Variants in FBXO34 observed in about 807,000 individuals in gnomAD.
FBXO34 encodes the protein F-box only protein 34.
FBXO34 carries 12 observed loss-of-function variants against 24.5 expected under a neutral mutation model. That is an observed-to-expected ratio of 0.49 (90% CI 0.31 to 0.79). FBXO34 has a LOEUF of 0.79. Ranked by LOEUF, FBXO34 falls within the 30% of genes least tolerant of loss-of-function variation. The pLI is 0.04. For synonymous variants in FBXO34, 320 were observed against 311.9 expected (o/e 1.03, Z -0.27); for missense variants, 823 against 857.7 (o/e 0.96, Z 0.51).
intron 1 of FBXO34, among the ~76,000 whole-genome samples, chr14:55,325,611 G>C (rs1013753529): frequency 6.6e-6 from 1 of 152,140 alleles, no homozygotes; most frequent in Non-Finnish European, 1.5e-5. Context: ...GAGTAACTGG[G>C]ATTACAGGCA....
the FBXO34 span, among the ~76,000 whole-genome samples, chr14:55,386,982 C>CTTA: frequency 3.9e-5 from 6 of 152,184 alleles, no homozygotes; most frequent in Non-Finnish European, 8.8e-5. Flanking sequence ...ACTGCCTAAT[C>CTTA]AACCCTTGAT....
the FBXO34 span, chr14:55,395,846 G>A: frequency 3.1e-6 from 3 of 959,974 alleles, no homozygotes; most frequent in African/African-American, 3.5e-5. Context: ...TGCTAAATAC[G>A]ATTTTTAAAA....
rs1418529250 is a variant in FBXO34 at position 55,313,539 on chromosome 14, C to G, written c.-10-36842C>G. ...ACTGTATTAGTCTGTTCTCACATTG[C>G]TGTAAAAAAAACTGCCTGAAACTAG... On this transcript the variant is annotated intron_variant, in intron 1 of 1. Coordinates refer to ENST00000313833, the MANE Select transcript of FBXO34 (RefSeq NM_017943.4). 2.0e-5 allele frequency among the ~76,000 whole-genome samples: 3 copies of G among 152,126 alleles called. No individual in the cohort carries two copies. The East Asian group carries it at 5.8e-4, about 29-fold the overall frequency.
chr14:55,385,761 G>T, the FBXO34 span: 1 of 1,040,994 alleles, frequency 9.6e-7, no homozygotes, highest in South Asian at 1.6e-5. Flanking sequence ...GAAAACCAAT[G>T]ACCCTAGAAT....
intron 1 of FBXO34, among the ~76,000 whole-genome samples, chr14:55,327,817 A>G (rs1170540934): frequency 2.6e-5 from 4 of 151,104 alleles, no homozygotes; most frequent in Non-Finnish European, 5.9e-5. Flanking sequence ...TGTGCACGAA[A>G]TCTTTTTTCA....
chr14:55,323,179 T>A (rs375555327), intron 1 of FBXO34, among the ~76,000 whole-genome samples: 1 of 71,408 alleles, frequency 1.4e-5, no homozygotes, highest in African/African-American at 7.8e-5. Context: ...AGTGAGACTC[T>A]GTCTCAAAAA....
the FBXO34 span, among the ~76,000 whole-genome samples, chr14:55,391,769 C>T: frequency 2.6e-5 from 4 of 152,182 alleles, no homozygotes; most frequent in East Asian, 5.8e-4. Context: ...GTCCTACTGA[C>T]GTGCAGCTCC....
chr14:55,351,623 C>T lies in FBXO34; in HGVS notation c.1233C>T (p.Leu411=), dbSNP rs759560210. The part of the protein sequence containing the change: ...NRYDVEMTDE[L]VGLPFSSHTY... ...ATGATGTGGAAATGACAGATGAACT[C>T]GTTGGGTTACCTTTTTCCTCTCATA... Residue 411 remains leucine (L), a synonymous_variant, in exon 2 of 2, where the codon CTC becomes CTT. Coordinates refer to ENST00000313833, the MANE Select transcript of FBXO34 (RefSeq NM_017943.4). The T allele has an allele frequency of 1.3e-5, 21 of 1,614,064 alleles. No individual in the cohort carries two copies. The highest frequency in any genetic ancestry group is 2.2e-5 in the South Asian group (2 of 91,086).
chr14:55,298,825 AGAGGTAT>A (rs1260208422), intron 1 of FBXO34: 1 of 1,612,242 alleles, frequency 6.2e-7, no homozygotes, highest in East Asian at 2.2e-5. Context: ...AAGCGTAAGA[AGAGGTAT>A]GAGAAGCAGC....
the FBXO34 span, among the ~76,000 whole-genome samples, chr14:55,441,548 A>G: frequency 9.9e-5 from 15 of 152,114 alleles, no homozygotes; most frequent in African/African-American, 3.4e-4. Context: ...ACTTCTCACC[A>G]TCAAATCCCA....
At chr14:55,414,997 A>G in the FBXO34 span, among the ~76,000 whole-genome samples, 1 of 152,254 alleles carries the variant, frequency 6.6e-6, no homozygotes, top group African/African-American at 2.4e-5. Context: ...TCTTGTTTCA[A>G]GAAATTGTAA....
chr14:55,424,156 T>TA, the FBXO34 span: 1 of 1,607,608 alleles, frequency 6.2e-7, no homozygotes, highest in Non-Finnish European at 8.5e-7. Flanking sequence ...TCTTAGCACT[T>TA]ACCTGTCAAC....
intron 1 of FBXO34, among the ~76,000 whole-genome samples, chr14:55,331,626 T>A (rs1331535683): frequency 2.9e-5 from 4 of 136,414 alleles, no homozygotes; most frequent in African/African-American, 2.7e-5. Context: ...TATATAAAAA[T>A]ATATATAAAA....
the FBXO34 span, chr14:55,436,900 GTTTC>G: frequency 1.2e-6 from 2 of 1,614,222 alleles, no homozygotes; most frequent in East Asian, 2.2e-5. Context: ...ATCACCAGAT[GTTTC>G]TTTGACTTCA....
intron 1 of FBXO34, among the ~76,000 whole-genome samples, chr14:55,290,436 G>A (rs1881908943): frequency 6.6e-6 from 1 of 151,872 alleles, no homozygotes; most frequent in Admixed American, 6.6e-5. Flanking sequence ...AATTAATTGA[G>A]GCATAATGGA....
At chr14:55,373,131 T>G (rs73279099), downstream of FBXO34, among the ~76,000 whole-genome samples, 1,423 of 152,280 alleles carry the variant, frequency 9.3e-3, 29 homozygotes, top group African/African-American at 0.033. Context: ...GCAAAATAAT[T>G]CATCCTATTT....
rs57284715 is a variant in FBXO34 at position 55,349,607 on chromosome 14, C to CTTTTTTTTTTTT, written c.-10-767_-10-756dup. On this transcript the variant is annotated intron_variant, in intron 1 of 1. Transcript: ENST00000313833. The stretch of plus-strand genomic sequence containing the variant: ...GAATAGTTTAGGAAGCAATAATTTT[C>CTTTTTTTTTTTT]TTTTTTTTTTTTTTTTTTGAGACAA... Among the ~76,000 whole-genome samples the CTTTTTTTTTTTT allele has an allele frequency of 1.4e-4, 16 of 116,610 alleles. 2 individuals carry two copies. In the East Asian group the frequency reaches 2.5e-3, roughly 18 times the overall value. The allele number at this position is 116,610 out of a possible 152,430, so 76.5% of individuals were successfully genotyped here.
At chr14:55,386,724 G>C in the FBXO34 span, among the ~76,000 whole-genome samples, 1 of 152,172 alleles carries the variant, frequency 6.6e-6, no homozygotes, top group Non-Finnish European at 1.5e-5. Context: ...ACCACGAGGA[G>C]ACATACACTC....
At chr14:55,429,257 A>G in the FBXO34 span, among the ~76,000 whole-genome samples, 2 of 152,212 alleles carry the variant, frequency 1.3e-5, no homozygotes. Context: ...GTTATTTGCT[A>G]AAACGATTCC....
Sources: gnomAD v4.1 joint callset for allele counts (sites outside exome capture counted in the v4.1 genomes callset) on GRCh38, gnomAD v4.1.1 for gene constraint, MANE v1.5 for transcripts, NCBI Gene and HGNC (gene_info 2026-07-23, HGNC 2026-07-21) for gene names.